The following TMEM178B variants were observed in gnomAD, a reference collection of about 807,000 sequenced individuals.
The protein encoded by TMEM178B is transmembrane protein 178B.
A neutral mutation model predicts 31.0 loss-of-function variants in TMEM178B; 5 were observed. The ratio of observed to expected loss-of-function variants is 0.16; its 90% CI spans 0.08 to 0.34. The LOEUF (loss-of-function observed/expected upper bound fraction) is 0.34. Among genes scored for constraint, TMEM178B ranks in the 10% least tolerant of loss-of-function variants. The pLI, the probability that TMEM178B is intolerant of heterozygous loss-of-function variation, is 1.00. For synonymous variants in TMEM178B, 164 were observed against 164.0 expected, an observed-to-expected ratio of 1.00 and a Z score of 0.00; for missense variants, 275 against 400.3, an observed-to-expected ratio of 0.69 and a Z score of 2.67.
At chr7:141,237,386 T>C (rs1023819627) in intron 2 of TMEM178B, among the ~76,000 whole-genome samples, 13 of 152,236 alleles carry the variant, frequency 8.5e-5, no homozygotes, top group African/African-American at 1.7e-4. Context: ...GGTTCAGTTA[T>C]ATAGTAGAGT....
At chr7:141,306,979 AT>A (rs1798825932) in intron 2 of TMEM178B, among the ~76,000 whole-genome samples, 1 of 152,054 alleles carries the variant, frequency 6.6e-6, no homozygotes, top group Non-Finnish European at 1.5e-5. Context: ...GACTGTCTTC[AT>A]TTTTTATTGG....
rs1021886023 is a variant in TMEM178B at position 141,215,316 on chromosome 7, TTTATTA to T, written c.496+2630_496+2635del. 1.4e-5 allele frequency among the ~76,000 whole-genome samples: 2 copies of T among 144,190 alleles called. 1 individual carries two copies. The highest frequency in any genetic ancestry group is 3.0e-5 in the Non-Finnish European group (2 of 66,102). 94.6% of individuals were successfully genotyped at this position (144,190 alleles called of 152,430 possible). A position where few individuals can be genotyped will look rare whatever the true frequency, so the allele number is the denominator to read the frequency against. On this transcript the variant is annotated intron_variant, in intron 2 of 3. Coordinates refer to ENST00000565468, the MANE Select transcript of TMEM178B (RefSeq NM_001195278.2). ...TTTTCATTCTAGATTGGTTATCATC[TTTATTA>T]TTATTATTATTATTATTTTTTGAGA...
intron 2 of TMEM178B, among the ~76,000 whole-genome samples, chr7:141,361,953 T>C (rs1465726196): frequency 6.6e-6 from 1 of 152,228 alleles, no homozygotes; most frequent in African/African-American, 2.4e-5. Flanking sequence ...AAATTTGTCT[T>C]TGTGACACTT....
intron 2 of TMEM178B, among the ~76,000 whole-genome samples, chr7:141,322,438 A>G (rs1799117226): frequency 6.6e-6 from 1 of 151,910 alleles, no homozygotes. Context: ...GGGAGGCTGA[A>G]GCAGGAGAAT....
At chr7:141,238,790 A>T (rs1350957121) in intron 2 of TMEM178B, among the ~76,000 whole-genome samples, 1 of 152,212 alleles carries the variant, frequency 6.6e-6, no homozygotes, top group Non-Finnish European at 1.5e-5. Context: ...ACCAACAGCG[A>T]GAGTGCTGCT....
At chr7:141,126,101 A>C (rs980205781) in intron 1 of TMEM178B, among the ~76,000 whole-genome samples, 1 of 152,180 alleles carries the variant, frequency 6.6e-6, no homozygotes, top group African/African-American at 2.4e-5. Flanking sequence ...TGAGTGATCA[A>C]ATAGTTGGTT....
At chr7:141,355,302 A>C (rs184439362) in intron 2 of TMEM178B, among the ~76,000 whole-genome samples, 1 of 152,276 alleles carries the variant, frequency 6.6e-6, no homozygotes, top group East Asian at 1.9e-4. Flanking sequence ...TGGATGGGAA[A>C]TCTGGGGAAG....
chr7:141,098,113 G>A (rs115947581), intron 1 of TMEM178B, among the ~76,000 whole-genome samples: 6 of 152,242 alleles, frequency 3.9e-5, no homozygotes, highest in African/African-American at 1.4e-4. Flanking sequence ...TGTGATTCAT[G>A]ACATTACCAA....
intron 2 of TMEM178B, among the ~76,000 whole-genome samples, chr7:141,285,380 G>C (rs532977067): frequency 1.2e-4 from 18 of 150,926 alleles, no homozygotes; most frequent in Admixed American, 4.6e-4. Flanking sequence ...AGATGGTCTC[G>C]ATCTCCTGAC....
chr7:141,135,796 A>G (rs561606720), intron 1 of TMEM178B, among the ~76,000 whole-genome samples: 3 of 152,314 alleles, frequency 2.0e-5, no homozygotes, highest in Admixed American at 1.3e-4. Context: ...GATTTCAAAT[A>G]ACCTAATGAT....
intron 2 of TMEM178B, among the ~76,000 whole-genome samples, chr7:141,296,069 C>G (rs1436900963): frequency 6.6e-6 from 1 of 151,504 alleles, no homozygotes; most frequent in Non-Finnish European, 1.5e-5. Flanking sequence ...AAAGGGGAAG[C>G]AGTACTTTTT....
intron 2 of TMEM178B, among the ~76,000 whole-genome samples, chr7:141,224,981 T>G (rs562909721): frequency 1.3e-5 from 2 of 152,346 alleles, no homozygotes; most frequent in Non-Finnish European, 2.9e-5. Context: ...CGCTAAAGGT[T>G]GACAGCCTTT....
At chr7:141,489,070 T>TC in the TMEM178B span, among the ~76,000 whole-genome samples, 3 of 152,266 alleles carry the variant, frequency 2.0e-5, no homozygotes, top group South Asian at 6.2e-4. Context: ...GACATACTTT[T>TC]TTCTGGTTGT....
At chr7:141,225,429 AT>A (rs35863340) in intron 2 of TMEM178B, among the ~76,000 whole-genome samples, 53,602 of 151,762 alleles carry the variant, frequency 0.35, 9,825 homozygotes, top group Non-Finnish European at 0.41. Context: ...CACAACAGGA[AT>A]TTTTTTTTCT....
chr7:141,287,893 C>A (rs1563141849), intron 2 of TMEM178B, among the ~76,000 whole-genome samples: 1 of 152,236 alleles, frequency 6.6e-6, no homozygotes, highest in African/African-American at 2.4e-5. Context: ...GAAAGGCAAA[C>A]AAACTAAGAG....
At position 141,238,325 on chromosome 7, in the gene TMEM178B, T is replaced by C. The variant is rs988272172; in HGVS notation, c.496+25621T>C. On this transcript the variant is annotated intron_variant, in intron 2 of 3. Coordinates refer to ENST00000565468, the MANE Select transcript of TMEM178B (RefSeq NM_001195278.2). ...GGCAGCTCAGTGGTGGTCAGTGTTATGACAAGTGGGATAGAAGCCCCCAGG... is the reference window on the plus strand; with the variant it reads ...GGCAGCTCAGTGGTGGTCAGTGTTACGACAAGTGGGATAGAAGCCCCCAGG... Among the ~76,000 whole-genome samples the C allele has an allele frequency of 3.9e-5, 6 of 152,098 alleles. No individual in the cohort carries two copies. The East Asian group carries it at 1.2e-3, about 29-fold the overall frequency.
At chr7:141,160,550 T>C (rs547116019) in intron 1 of TMEM178B, among the ~76,000 whole-genome samples, 2 of 152,206 alleles carry the variant, frequency 1.3e-5, no homozygotes, top group Non-Finnish European at 2.9e-5. Flanking sequence ...CTCCCTAACC[T>C]GCTGTCTGAC....
At chr7:141,440,971 C>A (rs62486700) in intron 3 of TMEM178B, among the ~76,000 whole-genome samples, 1 of 152,228 alleles carries the variant, frequency 6.6e-6, no homozygotes, top group Non-Finnish European at 1.5e-5. Flanking sequence ...AACAAAGCCA[C>A]TAAGAGCTGG....
At chr7:141,468,410 G>C (rs1233098397) in intron 3 of TMEM178B, among the ~76,000 whole-genome samples, 1 of 152,204 alleles carries the variant, frequency 6.6e-6, no homozygotes, top group African/African-American at 2.4e-5. Flanking sequence ...AACCCATGAA[G>C]TGACCCACTT....
Sources: allele counts gnomAD v4.1 joint callset (sites outside exome capture counted in the v4.1 genomes callset), GRCh38; gene constraint gnomAD v4.1.1; transcripts MANE v1.5; gene names NCBI Gene and HGNC (gene_info 2026-07-23, HGNC 2026-07-21).